Variants in FBXL17 observed in about 807,000 individuals in gnomAD.
FBXL17 encodes F-box and leucine rich repeat protein 17.
FBXL17 carries 22 observed loss-of-function variants against 66.2 expected under a neutral mutation model. The ratio of observed to expected loss-of-function variants is 0.33; its 90% CI spans 0.24 to 0.47. FBXL17 has a LOEUF of 0.47. FBXL17 is among the 20% of genes least tolerant of loss of function. The pLI, the probability that FBXL17 is intolerant of heterozygous loss-of-function variation, is 1.00. For missense variants in FBXL17, 878 were observed against 948.2 expected, an observed-to-expected ratio of 0.93 and a Z score of 0.97; for synonymous variants, 474 against 400.5, an observed-to-expected ratio of 1.18 and a Z score of -2.19.
intron 7 of FBXL17, among the ~76,000 whole-genome samples, chr5:107,990,896 G>A (rs1007511110): frequency 1.3e-5 from 2 of 151,950 alleles, no homozygotes; most frequent in African/African-American, 2.4e-5. Flanking sequence ...TTCCGGAGGC[G>A]AATTACCATC....
At chr5:108,205,643 T>C (rs1015499589) in intron 5 of FBXL17, among the ~76,000 whole-genome samples, 3 of 152,192 alleles carry the variant, frequency 2.0e-5, no homozygotes, top group Admixed American at 1.3e-4. Context: ...GATTGTCTTT[T>C]TGTGGTATTA....
intron 7 of FBXL17, among the ~76,000 whole-genome samples, chr5:108,011,979 A>G (rs772348843): frequency 6.6e-6 from 1 of 152,188 alleles, no homozygotes; most frequent in Non-Finnish European, 1.5e-5. Context: ...AAATATCTGC[A>G]CTTTAAAGCT....
chr5:108,109,591 C>T (rs1749949710), intron 6 of FBXL17, among the ~76,000 whole-genome samples: 1 of 152,054 alleles, frequency 6.6e-6, no homozygotes, highest in Admixed American at 6.6e-5. Flanking sequence ...TATTTAAATA[C>T]ATTTGTATGT....
At chr5:108,363,212 T>C (rs532531074) in intron 3 of FBXL17, among the ~76,000 whole-genome samples, 1 of 152,152 alleles carries the variant, frequency 6.6e-6, no homozygotes, top group Admixed American at 6.5e-5. Context: ...ATAATATCCA[T>C]GTGCATTGCA....
At chr5:108,210,781 T>C (rs1754335629) in intron 5 of FBXL17, among the ~76,000 whole-genome samples, 1 of 152,182 alleles carries the variant, frequency 6.6e-6, no homozygotes, top group Non-Finnish European at 1.5e-5. Context: ...GAAGAATGTA[T>C]ATTCTGTTGA....
At chr5:108,269,681 C>T (rs546109952) in intron 4 of FBXL17, among the ~76,000 whole-genome samples, 63 of 152,096 alleles carry the variant, frequency 4.1e-4, no homozygotes, top group African/African-American at 1.4e-3. Context: ...CACCTTCCTT[C>T]CAACAATATA....
chr5:108,125,379 G>A (rs1411683755), intron 6 of FBXL17, among the ~76,000 whole-genome samples: 1 of 151,840 alleles, frequency 6.6e-6, no homozygotes, highest in Non-Finnish European at 1.5e-5. Context: ...ATGAGATAAA[G>A]CTACATAAAA....
chr5:107,942,281 G>C (rs1751131621), intron 7 of FBXL17, among the ~76,000 whole-genome samples: 3 of 152,160 alleles, frequency 2.0e-5, no homozygotes, highest in Non-Finnish European at 4.4e-5. Context: ...AAAGTTCAGA[G>C]CAGAGGTGGA....
chr5:108,203,461 C>G (rs890535499), intron 5 of FBXL17, among the ~76,000 whole-genome samples: 1 of 152,090 alleles, frequency 6.6e-6, no homozygotes, highest in Admixed American at 6.6e-5. Context: ...CTTATATTCT[C>G]AACACTTGAT....
chr5:108,014,393 C>A (rs1754300632), intron 7 of FBXL17, among the ~76,000 whole-genome samples: 1 of 151,982 alleles, frequency 6.6e-6, no homozygotes, highest in Admixed American at 6.6e-5. Flanking sequence ...GTTCATTTGT[C>A]TTTTAAATGA....
chr5:108,084,340 A>G (rs1390759952), intron 6 of FBXL17, among the ~76,000 whole-genome samples: 1 of 152,242 alleles, frequency 6.6e-6, no homozygotes, highest in Non-Finnish European at 1.5e-5. Context: ...CTGTCTTGGC[A>G]AAAGGAAGCA....
At chr5:107,950,981 A>T (rs950226526) in intron 7 of FBXL17, among the ~76,000 whole-genome samples, 5 of 152,206 alleles carry the variant, frequency 3.3e-5, no homozygotes, top group African/African-American at 1.2e-4. Context: ...TTTGTGTGAC[A>T]GTCATGGCTG....
intron 4 of FBXL17, among the ~76,000 whole-genome samples, chr5:108,256,045 C>T (rs1173065547): frequency 6.6e-6 from 1 of 152,072 alleles, no homozygotes; most frequent in African/African-American, 2.4e-5. Context: ...TACTATTAAC[C>T]CAAGGCTTGA....
chr5:108,332,188 T>C (rs1760154359), intron 4 of FBXL17, among the ~76,000 whole-genome samples: 1 of 152,124 alleles, frequency 6.6e-6, no homozygotes, highest in African/African-American at 2.4e-5. Flanking sequence ...TGAAAGTTAT[T>C]GATAATATTC....
chr5:107,933,350 C>T (rs539900374), intron 7 of FBXL17, among the ~76,000 whole-genome samples: 184 of 152,240 alleles, frequency 1.2e-3, no homozygotes, highest in African/African-American at 4.4e-3. Flanking sequence ...TGGGTATGTG[C>T]ATCACAAATA....
At chr5:107,973,883 C>A (rs1445075488) in intron 7 of FBXL17, among the ~76,000 whole-genome samples, 1 of 151,356 alleles carries the variant, frequency 6.6e-6, no homozygotes, top group African/African-American at 2.4e-5. Context: ...TTGTGATAGG[C>A]TCTAGTTAGA....
intron 6 of FBXL17, among the ~76,000 whole-genome samples, chr5:108,139,983 T>C (rs898341017): frequency 6.6e-6 from 1 of 152,148 alleles, no homozygotes; most frequent in African/African-American, 2.4e-5. Context: ...TCTCCCACTT[T>C]GAAAGACTAA....
chr5:107,870,500 C>A (rs1289517700), intron 8 of FBXL17, among the ~76,000 whole-genome samples: 1 of 152,138 alleles, frequency 6.6e-6, no homozygotes, highest in Admixed American at 6.5e-5. Context: ...AAAAAAAATT[C>A]TATCCCCAGT....
At chr5:108,208,271 C>T (rs375393469) in intron 5 of FBXL17, among the ~76,000 whole-genome samples, 2 of 152,210 alleles carry the variant, frequency 1.3e-5, no homozygotes, top group South Asian at 4.1e-4. Flanking sequence ...GGTCTGTTCA[C>T]TCTGATGATA....
Sources: allele counts gnomAD v4.1 joint callset (sites outside exome capture counted in the v4.1 genomes callset), GRCh38; gene constraint gnomAD v4.1.1; transcripts MANE v1.5; gene names NCBI Gene and HGNC (gene_info 2026-07-23, HGNC 2026-07-21).